LY96: variants seen among roughly 807,000 people sequenced by gnomAD.
LY96 encodes lymphocyte antigen 96.
A neutral mutation model predicts 18.9 loss-of-function variants in LY96; 18 were observed. The observed-to-expected ratio is 0.95, with a 90% CI of 0.66 to 1.41. The LOEUF (loss-of-function observed/expected upper bound fraction) is 1.41, where lower values mean the gene tolerates loss of function less well. Among genes scored for constraint, LY96 ranks in the 40% most tolerant of loss-of-function variants. The pLI is 0.00. For missense variants in LY96, 175 were observed against 182.4 expected (o/e 0.96, Z 0.23); for synonymous variants, 66 against 62.6 (o/e 1.06, Z -0.26).
the LY96 span, among the ~76,000 whole-genome samples, chr8:74,057,687 T>C: frequency 1.3e-5 from 2 of 152,234 alleles, no homozygotes; most frequent in Non-Finnish European, 2.9e-5. Flanking sequence ...TCTCTCATCC[T>C]GCTAAGGCTT....
chr8:74,097,115 T>C, the LY96 span, among the ~76,000 whole-genome samples: 2 of 152,206 alleles, frequency 1.3e-5, no homozygotes, highest in Non-Finnish European at 1.5e-5. Context: ...TTCATGGTGA[T>C]TGTTTTAATG....
At chr8:74,084,795 A>T in the LY96 span, among the ~76,000 whole-genome samples, 6 of 151,956 alleles carry the variant, frequency 3.9e-5, no homozygotes, top group African/African-American at 1.4e-4. Context: ...TTGTATTTTT[A>T]GTAGAGATGG....
intron 3 of LY96, among the ~76,000 whole-genome samples, chr8:74,010,510 A>G (rs1423208010): frequency 2.0e-5 from 3 of 152,130 alleles, no homozygotes; most frequent in Admixed American, 1.3e-4. Flanking sequence ...TGAATAAAAA[A>G]AAGGAATTAC....
chr8:74,031,649 AG>A (rs1241282452), downstream of LY96, among the ~76,000 whole-genome samples: 4 of 149,758 alleles, frequency 2.7e-5, no homozygotes, highest in Admixed American at 6.7e-5. Flanking sequence ...AAAAAAAAAA[AG>A]TAATTTTTTT....
At chr8:74,064,607 T>C in the LY96 span, among the ~76,000 whole-genome samples, 50 of 152,322 alleles carry the variant, frequency 3.3e-4, no homozygotes, top group African/African-American at 1.2e-3. Context: ...CTTTTCCTTC[T>C]ACCAGTATTG....
chr8:74,039,959 G>A, the LY96 span, among the ~76,000 whole-genome samples: 1 of 152,144 alleles, frequency 6.6e-6, no homozygotes, highest in Admixed American at 6.5e-5. Context: ...TCCAAGGAAA[G>A]GAGACTCCCT....
At chr8:74,069,998 G>A in the LY96 span, among the ~76,000 whole-genome samples, 1 of 152,126 alleles carries the variant, frequency 6.6e-6, no homozygotes, top group South Asian at 2.1e-4. Flanking sequence ...TTCTTAGTTG[G>A]CATTCTTCTG....
At chr8:74,007,980 G>A (rs1008763772) in intron 2 of LY96, among the ~76,000 whole-genome samples, 6 of 152,138 alleles carry the variant, frequency 3.9e-5, no homozygotes, top group South Asian at 2.1e-4. Flanking sequence ...GGATGGTCTC[G>A]AACTCCTGAC....
the LY96 span, among the ~76,000 whole-genome samples, chr8:74,077,389 A>G: frequency 6.6e-6 from 1 of 152,226 alleles, no homozygotes; most frequent in Non-Finnish European, 1.5e-5. Context: ...AATGAAGACC[A>G]GATAGCCTTA....
At chr8:74,092,282 C>T in the LY96 span, among the ~76,000 whole-genome samples, 6 of 152,270 alleles carry the variant, frequency 3.9e-5, no homozygotes, top group African/African-American at 1.4e-4. Context: ...TCTGGAGGCT[C>T]CCAGCAGAGT....
the LY96 span, among the ~76,000 whole-genome samples, chr8:74,038,914 GTTT>G: frequency 6.6e-6 from 1 of 152,134 alleles, no homozygotes; most frequent in African/African-American, 2.4e-5. Context: ...TCTATTTTTA[GTTT>G]TTGGAGGAAC....
chr8:74,091,970 C>T, the LY96 span, among the ~76,000 whole-genome samples: 2 of 152,296 alleles, frequency 1.3e-5, no homozygotes, highest in South Asian at 2.1e-4. Flanking sequence ...CAGCAGGACA[C>T]GCTTTCTGTC....
chr8:74,098,576 G>T, the LY96 span, among the ~76,000 whole-genome samples: 1 of 152,036 alleles, frequency 6.6e-6, no homozygotes, highest in Non-Finnish European at 1.5e-5. Flanking sequence ...TGCCATGTTG[G>T]CCAGGCTGAT....
chr8:74,047,590 G>A, the LY96 span, among the ~76,000 whole-genome samples: 1 of 152,196 alleles, frequency 6.6e-6, no homozygotes, highest in Non-Finnish European at 1.5e-5. Context: ...GCAATGCCAG[G>A]GGACTGGTAA....
intron 4 of LY96, among the ~76,000 whole-genome samples, chr8:74,027,551 C>T (rs889729714): frequency 6.6e-6 from 1 of 152,082 alleles, no homozygotes; most frequent in African/African-American, 2.4e-5. Flanking sequence ...GTGATCCACC[C>T]ACCTTTGTTC....
In LY96 at chr8:74,009,984, G is replaced by A. The variant is rs770762622; in HGVS notation, c.203-17G>A. ...AATCTACTATTTGAGGGCCTAATGG[G>A]ATTTTTTCTTTTAAAGGGAGAGATT... On this transcript the variant is annotated splice_polypyrimidine_tract_variant and intron_variant, in intron 2 of 4. Coordinates refer to ENST00000284818, the MANE Select transcript of LY96 (RefSeq NM_015364.5). The A allele has an allele frequency of 3.2e-6, 5 of 1,572,202 alleles. No individual in the cohort carries two copies. Among genetic ancestry groups the A allele is most frequent in the Admixed American group, 3.3e-5 (2 of 59,908 alleles).
intron 3 of LY96, among the ~76,000 whole-genome samples, chr8:74,018,818 T>A (rs191058957): frequency 3.3e-4 from 50 of 152,290 alleles, no homozygotes; most frequent in African/African-American, 1.2e-3. Flanking sequence ...TGCTCCTAAG[T>A]GACTACTGGG....
the LY96 span, among the ~76,000 whole-genome samples, chr8:74,097,070 T>A: frequency 6.6e-6 from 1 of 152,206 alleles, no homozygotes; most frequent in Non-Finnish European, 1.5e-5. Flanking sequence ...TGCTTAACAT[T>A]ATATCATGAG....
At chr8:74,094,355 A>G in the LY96 span, among the ~76,000 whole-genome samples, 1 of 152,274 alleles carries the variant, frequency 6.6e-6, no homozygotes, top group East Asian at 1.9e-4. Context: ...ATGAGTAGAT[A>G]CCTATCATAA....
Sources: allele counts gnomAD v4.1 joint callset (sites outside exome capture counted in the v4.1 genomes callset), GRCh38; gene constraint gnomAD v4.1.1; transcripts MANE v1.5; gene names NCBI Gene and HGNC (gene_info 2026-07-23, HGNC 2026-07-21).